The following DMXL1 variants were observed in gnomAD, a reference collection of about 807,000 sequenced individuals.
The protein encoded by DMXL1 is dmX-like protein 1.
In DMXL1, 99 loss-of-function variants were observed where a neutral mutation model predicts 319.2. The ratio of observed to expected loss-of-function variants is 0.31; its 90% confidence interval spans 0.26 to 0.37. The LOEUF (loss-of-function observed/expected upper bound fraction) is 0.37, where lower values mean the gene tolerates loss of function less well. Among genes scored for constraint, DMXL1 ranks in the 10% least tolerant of loss-of-function variants. The pLI, the probability that DMXL1 is intolerant of heterozygous loss-of-function variation, is 1.00. For missense variants in DMXL1, 3,745 were observed against 3,595.6 expected, an observed-to-expected ratio of 1.04 and a Z score of -1.06; for synonymous variants, 1,385 against 1,235.2, an observed-to-expected ratio of 1.12 and a Z score of -2.54.
intron 10 of DMXL1, among the ~76,000 whole-genome samples, chr5:119,129,752 A>G (rs917123166): frequency 3.3e-5 from 5 of 152,238 alleles, no homozygotes; most frequent in Admixed American, 2.0e-4. Context: ...CAGACCCACC[A>G]AACCAGAATC....
chr5:119,129,130 A>G, intron 9 of DMXL1, 81 bp from the exon 10 acceptor site: 3 of 805,900 alleles, frequency 3.7e-6, no homozygotes, highest in Non-Finnish European at 5.8e-6. Flanking sequence ...TATAAATGTA[A>G]TAGTAATAAA....
intron 28 of DMXL1, among the ~76,000 whole-genome samples, chr5:119,187,998 G>A (rs1318296316): frequency 6.6e-6 from 1 of 152,094 alleles, no homozygotes; most frequent in Non-Finnish European, 1.5e-5. Flanking sequence ...CTGGTGTTGA[G>A]TCTGTAAATT....
chr5:119,078,411 C>T lies in DMXL1; in HGVS notation c.87+6755C>T, dbSNP rs1175710126. Among the ~76,000 whole-genome samples, 3 of 152,138 alleles carry T rather than the reference C, an allele frequency of 2.0e-5. No individual in the cohort carries two copies. In the East Asian group the frequency reaches 5.8e-4, roughly 29 times the overall value. On this transcript the variant is annotated intron_variant, in intron 1 of 43. Transcript: ENST00000539542. ...TTGGAGCTTGAATTATTTGTCCAGC[C>T]ACTGATGCCTCTGTTCTTAGCACAT... is the stretch of plus-strand genomic sequence containing the variant.
At position 119,220,493 on chromosome 5, in the gene DMXL1, A is replaced by G. The variant is rs780480547; in HGVS notation, c.8035A>G (p.Ile2679Val). 5 of 1,613,870 alleles carry G rather than the reference A, an allele frequency of 3.1e-6. No individual in the cohort carries two copies. Among genetic ancestry groups the G allele is most frequent in the Admixed American group, 1.7e-5 (1 of 60,008 alleles). ...TCAGGCAAATAGAAACTGCATAGCA[A>G]TCGCTTCCAGTCATGATGTTCAAGA... ...VNKANRNCIAIASSHDVQELD... is the reference protein window; with the variant it reads ...VNKANRNCIAVASSHDVQELD... Residue 2679 changes from isoleucine (I) to valine (V), a missense_variant, in exon 36 of 44, where the codon ATC becomes GTC. Ile to Val is a conservative substitution (Grantham distance 29). Transcript: ENST00000539542.
intron 7 of DMXL1, among the ~76,000 whole-genome samples, chr5:119,118,070 G>C (rs1051689068): frequency 1.3e-5 from 2 of 152,164 alleles, no homozygotes; most frequent in Non-Finnish European, 2.9e-5. Context: ...AGCTCTTGTT[G>C]CTTGTTGGAC....
Position 119,101,916 on chromosome 5 carries a change from CT to C in DMXL1, c.214-12del. On this transcript the variant is annotated intron_variant, in intron 2 of 43. Coordinates refer to ENST00000539542, the MANE Select transcript of DMXL1 (RefSeq NM_001290321.3). ...TAAGTTAACATATCCCTAATAAATT[CT>C]TTTTTTCTTTTTAAAAGATTGCAGC... The C allele has an allele frequency of 6.5e-7, 1 of 1,534,814 alleles. No homozygotes were observed. Among genetic ancestry groups the C allele is most frequent in the South Asian group, 1.2e-5 (1 of 82,758 alleles).
intron 28 of DMXL1, among the ~76,000 whole-genome samples, chr5:119,187,321 G>A (rs575555236): frequency 6.6e-4 from 101 of 152,244 alleles, no homozygotes; most frequent in African/African-American, 1.8e-3. Context: ...CATAGGGTTA[G>A]TTTGCACCCA....
At chr5:119,099,656 T>C (rs149745542) in intron 2 of DMXL1, among the ~76,000 whole-genome samples, 1 of 152,182 alleles carries the variant, frequency 6.6e-6, no homozygotes, top group African/African-American at 2.4e-5. Context: ...TTTAATACTT[T>C]CCAATATGAG....
At chr5:119,205,233 A>T (rs1781543423) in intron 33 of DMXL1, among the ~76,000 whole-genome samples, 1 of 152,136 alleles carries the variant, frequency 6.6e-6, no homozygotes, top group African/African-American at 2.4e-5. Flanking sequence ...GTATTTGGGA[A>T]ATGAAGTAGT....
intron 35 of DMXL1, among the ~76,000 whole-genome samples, chr5:119,218,112 C>G (rs1201967350): frequency 6.6e-6 from 1 of 152,036 alleles, no homozygotes; most frequent in Non-Finnish European, 1.5e-5. Flanking sequence ...TGTGGTTGCT[C>G]ACACCTGTCA....
rs551276684 is a variant in DMXL1 at position 119,156,146 on chromosome 5, T to C, written c.4702+4110T>C. 2.0e-5 allele frequency among the ~76,000 whole-genome samples: 3 copies of C among 152,324 alleles called. No homozygotes were observed. In the South Asian group the frequency reaches 6.2e-4, roughly 32 times the overall value. ...GTTGCCTTATTTTAAGAAATTGCTA[T>C]AGCCATCCCAGCCTTCAGTAACCTC... On this transcript the variant is annotated intron_variant, in intron 19 of 43. Coordinates refer to ENST00000539542, the MANE Select transcript of DMXL1 (RefSeq NM_001290321.3).
chr5:119,089,749 C>T (rs1754286405), intron 1 of DMXL1, among the ~76,000 whole-genome samples: 5 of 151,318 alleles, frequency 3.3e-5, no homozygotes, highest in African/African-American at 1.2e-4. Context: ...GCTCAGCTTT[C>T]CTGAGTAGCT....
In DMXL1 at chr5:119,166,333, A is replaced by G. The variant is rs561415105; in HGVS notation, c.4971-283A>G. 5.3e-4 allele frequency among the ~76,000 whole-genome samples: 81 copies of G among 152,372 alleles called. 2 individuals carry two copies. The highest frequency in any genetic ancestry group is 6.5e-4 in the Admixed American group (10 of 15,310). On this transcript the variant is annotated intron_variant, in intron 21 of 43. Coordinates refer to ENST00000539542, the MANE Select transcript of DMXL1 (RefSeq NM_001290321.3). ...AGTTTCAATGGTGGCACCCAAGTTA[A>G]TATAAATCAAACATTTTGCATGGAT...
chr5:119,154,048 G>A (rs1335884087), intron 19 of DMXL1, among the ~76,000 whole-genome samples: 1 of 152,190 alleles, frequency 6.6e-6, no homozygotes, highest in Non-Finnish European at 1.5e-5. Context: ...GTAGGACAAT[G>A]AATTTAATCA....
chr5:119,122,306 CG>C (rs1472181624), intron 9 of DMXL1, among the ~76,000 whole-genome samples: 4 of 144,836 alleles, frequency 2.8e-5, no homozygotes, highest in African/African-American at 1.0e-4. Context: ...GCTGGCCGGG[CG>C]GGGGGCTGAC....
chr5:119,235,925 T>G (rs1787669433), intron 39 of DMXL1, among the ~76,000 whole-genome samples: 1 of 151,984 alleles, frequency 6.6e-6, no homozygotes, highest in African/African-American at 2.4e-5. Flanking sequence ...GTGTATACCC[T>G]TTCTGAAGAA....
intron 28 of DMXL1, among the ~76,000 whole-genome samples, chr5:119,187,944 C>G (rs147457818): frequency 2.0e-5 from 3 of 152,320 alleles, no homozygotes; most frequent in Admixed American, 2.0e-4. Flanking sequence ...GCGTAAGCCA[C>G]CGCACCCAGC....
chr5:119,190,438 C>T (rs527790351), intron 29 of DMXL1, among the ~76,000 whole-genome samples: 2 of 152,292 alleles, frequency 1.3e-5, no homozygotes, highest in Admixed American at 6.5e-5. Flanking sequence ...CCAATCATGT[C>T]AGTTCTTTTA....
At chr5:119,136,861 G>T (rs1471907895) in intron 13 of DMXL1, among the ~76,000 whole-genome samples, 1 of 152,254 alleles carries the variant, frequency 6.6e-6, no homozygotes, top group African/African-American at 2.4e-5. Context: ...CTGCGGCAGG[G>T]GCGAAGCCCT....
Sources: allele counts gnomAD v4.1 joint callset (sites outside exome capture counted in the v4.1 genomes callset), GRCh38; gene constraint gnomAD v4.1.1; transcripts MANE v1.5; gene names NCBI Gene and HGNC (gene_info 2026-07-23, HGNC 2026-07-21).